Variants in OR7A10 observed in about 807,000 individuals in gnomAD.
OR7A10 encodes olfactory receptor 7A10.
For synonymous variants in OR7A10, 144 were observed against 144.5 expected (o/e 1.00, Z 0.02); for missense variants, 358 against 370.1 (o/e 0.97, Z 0.27).
intron 1 of OR7A10, among the ~76,000 whole-genome samples, chr19:14,848,014 T>C (rs901122934): frequency 2.6e-5 from 4 of 151,824 alleles, no homozygotes; most frequent in African/African-American, 7.3e-5. Flanking sequence ...TCCCAGCTAC[T>C]TGGGAGGCTG....
rs1348866444 is a variant in OR7A10, at chr19:14,844,664, G to GTTTTTTTTTTTTTTTTTTTTT, written c.-12-2776_-12-2775insAAAAAAAAAAAAAAAAAAAAA. Among the ~76,000 whole-genome samples, 126 of 97,632 alleles carry GTTTTTTTTTTTTTTTTTTTTT rather than the reference G, an allele frequency of 1.3e-3. 12 individuals are homozygous for GTTTTTTTTTTTTTTTTTTTTT. Among genetic ancestry groups the GTTTTTTTTTTTTTTTTTTTTT allele is most frequent in the Middle Eastern group, 5.7e-3 (1 of 174 alleles). The allele number at this position is 97,632 out of a possible 152,430, so 64.1% of individuals were successfully genotyped here. A position where few individuals can be genotyped will look rare whatever the true frequency, so the allele number is the denominator to read the frequency against. ...TTTTCACTGTTGCCTTGAGTTCTGT[G>GTTTTTTTTTTTTTTTTTTTTT]TTTTTTTTTTTTTTTTGAGATGGAG... is the stretch of plus-strand genomic sequence containing the variant. On this transcript the variant is annotated intron_variant, in intron 1 of 1. Transcript: ENST00000641129.
chr19:14,841,990 A>G, intron 1 of OR7A10, 101 bp from the exon 2 acceptor site: 1 of 709,400 alleles, frequency 1.4e-6, no homozygotes, highest in Non-Finnish European at 2.3e-6. Flanking sequence ...TTCCACAGTC[A>G]AGAAGTTAAT....
chr19:14,842,439 C>CA (rs1423722833), intron 1 of OR7A10, among the ~76,000 whole-genome samples: 1 of 152,174 alleles, frequency 6.6e-6, no homozygotes, highest in Non-Finnish European at 1.5e-5. Flanking sequence ...TTAGTAGAGA[C>CA]AGAGTTTTGC....
At position 14,843,897 on chromosome 19, in the gene OR7A10, C is replaced by T. The variant is rs1397491681; in HGVS notation, c.-12-2008G>A. On this transcript the variant is annotated intron_variant, in intron 1 of 1. Transcript: ENST00000641129. The stretch of plus-strand genomic sequence containing the variant: ...TGGACACAGGGAGGGGAACATCACA[C>T]ACTGGGGACTGTCGGGGGTACGGGA... 2.0e-5 allele frequency among the ~76,000 whole-genome samples: 3 copies of T among 152,070 alleles called. No homozygotes were observed. The East Asian group carries it at 5.8e-4, about 29-fold the overall frequency.
chr19:14,847,000 A>G (rs1006946770), intron 1 of OR7A10, among the ~76,000 whole-genome samples: 1 of 152,244 alleles, frequency 6.6e-6, no homozygotes, highest in African/African-American at 2.4e-5. Flanking sequence ...ATTTGGCTAC[A>G]CAAGCTTTTT....
intron 1 of OR7A10, among the ~76,000 whole-genome samples, chr19:14,846,727 G>GAAAAAAAAAAAAA (rs1242384296): frequency 2.3e-4 from 17 of 75,066 alleles, no homozygotes; most frequent in Admixed American, 4.1e-4. Flanking sequence ...AAAAAAAAAG[G>GAAAAAAAAAAAAA]AAAAGGAAGT....
At position 14,841,962 on chromosome 19, in the gene OR7A10, G is replaced by A. The variant is rs79033843; in HGVS notation, c.-12-73C>T. The A allele has an allele frequency of 6.0e-4, 526 of 877,218 alleles. 6 individuals carry two copies. The East Asian group carries it at 0.013, about 21-fold the overall frequency. 54.3% of individuals were successfully genotyped at this position (877,218 alleles called of 1,614,324 possible). A position where few individuals can be genotyped will look rare whatever the true frequency, so the allele number is the denominator to read the frequency against. ...ACAAACATGCATTCCAAAACTATCAGAAATGTTATCATTTATATTCCACAG... is the reference window on the plus strand; with the variant it reads ...ACAAACATGCATTCCAAAACTATCAAAAATGTTATCATTTATATTCCACAG... On this transcript the variant is annotated intron_variant, in intron 1 of 1. Coordinates refer to ENST00000641129, the MANE Select transcript of OR7A10 (RefSeq NM_001005190.2).
In OR7A10 at chr19:14,840,730, A is replaced by C; in HGVS notation, c.*218T>G. 2 of 432,514 alleles carry C rather than the reference A, an allele frequency of 4.6e-6. No individual in the cohort carries two copies. The highest frequency in any genetic ancestry group is 3.7e-5 in the East Asian group (1 of 26,826). 26.8% of individuals were successfully genotyped at this position (432,514 alleles called of 1,614,324 possible). ...CAAATATTCCATAGTTATTTCATGT[A>C]TGATTGAAAATTATATTCCGTCATA... is the stretch of plus-strand genomic sequence containing the variant. On this transcript the variant is annotated 3_prime_UTR_variant, in exon 2 of 2. Coordinates refer to ENST00000641129, the MANE Select transcript of OR7A10 (RefSeq NM_001005190.2).
In OR7A10 at chr19:14,840,835, G is replaced by A; in HGVS notation, c.*113C>T. The A allele has an allele frequency of 1.4e-6, 1 of 721,926 alleles. No homozygotes were observed. The highest frequency in any genetic ancestry group is 2.3e-6 in the Non-Finnish European group (1 of 438,480). 44.7% of individuals were successfully genotyped at this position (721,926 alleles called of 1,614,324 possible). The stretch of plus-strand genomic sequence containing the variant: ...AGGAACAAAGAAGTTTAAACTCCAG[G>A]AAATAAATGGAAGGGGCAAGTCTTC... On this transcript the variant is annotated 3_prime_UTR_variant, in exon 2 of 2. Transcript: ENST00000641129.
chr19:14,844,859 C>T (rs190235317), intron 1 of OR7A10, among the ~76,000 whole-genome samples: 61 of 151,408 alleles, frequency 4.0e-4, no homozygotes, highest in African/African-American at 1.4e-3. Context: ...GATGGAGTTT[C>T]GCCATGTTGG....
rs1167909624 is a variant in OR7A10, at chr19:14,840,681, T to C, written c.*267A>G. ...TGGACACCAGGCTCCTCTACTTCAATGAGTAGATGTACCCCAACGAAAACA... is the reference window on the plus strand; with the variant it reads ...TGGACACCAGGCTCCTCTACTTCAACGAGTAGATGTACCCCAACGAAAACA... On this transcript the variant is annotated 3_prime_UTR_variant, in exon 2 of 2. Coordinates refer to ENST00000641129, the MANE Select transcript of OR7A10 (RefSeq NM_001005190.2). 1.1e-5 allele frequency: 3 copies of C among 274,926 alleles called. No homozygotes were observed. The highest frequency in any genetic ancestry group is 2.2e-5 in the African/African-American group (1 of 45,452). The allele number at this position is 274,926 out of a possible 1,614,324, so 17.0% of individuals were successfully genotyped here.
At position 14,841,811 on chromosome 19, in the gene OR7A10, A is replaced by G. The variant is rs1284074791; in HGVS notation, c.67T>C (p.Leu23=). 4.3e-6 allele frequency: 7 copies of G among 1,613,848 alleles called. No homozygotes were observed. Among genetic ancestry groups the G allele is most frequent in the Non-Finnish European group, 8.5e-7 (1 of 1,179,990 alleles). The change falls in exon 2 of 2, where the codon TTG becomes CTG. Residue 23 remains leucine, a synonymous_variant. Transcript: ENST00000641129. ...AACAGCCCAAAGAGGAAGGCCTGCAATTCTGGTTCCTCTGAAATTCCCAGG... is the reference window on the plus strand; with the variant it reads ...AACAGCCCAAAGAGGAAGGCCTGCAGTTCTGGTTCCTCTGAAATTCCCAGG... The part of the protein sequence containing the change: ...LLLGISEEPE[L]QAFLFGLFLS...
intron 1 of OR7A10, among the ~76,000 whole-genome samples, chr19:14,844,348 C>T (rs950994695): frequency 2.9e-4 from 44 of 152,170 alleles, no homozygotes; most frequent in African/African-American, 1.0e-3. Flanking sequence ...GTCAGAGTGA[C>T]CACCTTCCCT....
intron 1 of OR7A10, 40 bp from the exon 2 acceptor site, chr19:14,841,929 AACAT>A (rs1159679698): frequency 2.4e-6 from 3 of 1,238,670 alleles, no homozygotes; most frequent in Non-Finnish European, 3.4e-6. Flanking sequence ...AGAGTGAAAG[AACAT>A]GAAACAAACA....
At chr19:14,843,196 G>A (rs2145096480) in intron 1 of OR7A10, among the ~76,000 whole-genome samples, 2 of 152,330 alleles carry the variant, frequency 1.3e-5, no homozygotes, top group African/African-American at 2.4e-5. Flanking sequence ...CACTGCTGAG[G>A]TTGTGGAGAA....
Position 14,843,058 on chromosome 19 carries a change from C to T in OR7A10, c.-12-1169G>A, listed in dbSNP as rs374262792. 9.4e-4 allele frequency among the ~76,000 whole-genome samples: 143 copies of T among 152,110 alleles called. 1 individual carries two copies. Among genetic ancestry groups the T allele is most frequent in the Non-Finnish European group, 3.1e-4 (21 of 68,022 alleles). On this transcript the variant is annotated intron_variant, in intron 1 of 1. Transcript: ENST00000641129. ...GACACTTCAGGAAAAGACATACATG[C>T]GGCCAACAAGCATATTAAAAAATGC... is the stretch of plus-strand genomic sequence containing the variant.
intron 1 of OR7A10, among the ~76,000 whole-genome samples, chr19:14,845,907 A>G (rs1199783998): frequency 6.6e-6 from 1 of 152,138 alleles, no homozygotes; most frequent in Non-Finnish European, 1.5e-5. Context: ...TAAAAATTCC[A>G]AAATGTGGGA....
At chr19:14,843,919 G>A (rs73506458) in intron 1 of OR7A10, among the ~76,000 whole-genome samples, 3,322 of 152,208 alleles carry the variant, frequency 0.022, 102 homozygotes, top group African/African-American at 0.072. Flanking sequence ...TCGGGGGTAC[G>A]GGATAAGGGG....
chr19:14,846,709 C>CAAAAAAAAAAAAAAAAAAAA lies in OR7A10; in HGVS notation c.-13+1790_-13+1791insTTTTTTTTTTTTTTTTTTTT, dbSNP rs60087409. On this transcript the variant is annotated intron_variant, in intron 1 of 1. Transcript: ENST00000641129. ...TGGGTGACAGAGCGAGACTCCATCT[C>CAAAAAAAAAAAAAAAAAAAA]AAAAAAAAAAAAAAAAGGAAAAGGA... Among the ~76,000 whole-genome samples the CAAAAAAAAAAAAAAAAAAAA allele has an allele frequency of 3.4e-4, 22 of 63,998 alleles. 1 individual carries two copies. The highest frequency in any genetic ancestry group is 1.2e-3 in the African/African-American group (18 of 15,166). The allele number at this position is 63,998 out of a possible 152,430, so 42.0% of individuals were successfully genotyped here.
Sources: gnomAD v4.1 joint callset for allele counts (sites outside exome capture counted in the v4.1 genomes callset) on GRCh38, gnomAD v4.1.1 for gene constraint, MANE v1.5 for transcripts, NCBI Gene and HGNC (gene_info 2026-07-23, HGNC 2026-07-21) for gene names.